SRPK2: variants seen among roughly 807,000 people sequenced by gnomAD.
The protein encoded by SRPK2 is SRSF protein kinase 2, also known as SFRS protein kinase 2.
In SRPK2, 21 loss-of-function variants were observed where a neutral mutation model predicts 90.8. The observed-to-expected ratio is 0.23, with a 90% confidence interval of 0.16 to 0.33. The LOEUF (loss-of-function observed/expected upper bound fraction) is 0.33. Ranked by LOEUF, SRPK2 falls within the 10% of genes least tolerant of loss-of-function variation. The pLI, the probability that SRPK2 is intolerant of heterozygous loss-of-function variation, is 1.00. For synonymous variants in SRPK2, 288 were observed against 311.1 expected, an observed-to-expected ratio of 0.93 and a Z score of 0.78; for missense variants, 620 against 869.0, an observed-to-expected ratio of 0.71 and a Z score of 3.60.
chr7:105,245,379 G>C (rs895997397), intron 2 of SRPK2, among the ~76,000 whole-genome samples: 4 of 152,138 alleles, frequency 2.6e-5, no homozygotes, highest in African/African-American at 9.7e-5. Flanking sequence ...GATAAGAAGG[G>C]TAAAAGAGCC....
At chr7:105,253,456 T>G (rs1033526716) in intron 2 of SRPK2, among the ~76,000 whole-genome samples, 1 of 152,208 alleles carries the variant, frequency 6.6e-6, no homozygotes, top group Admixed American at 6.5e-5. Context: ...CAGCATAAAA[T>G]TCAAAGACCT....
At chr7:105,236,012 A>T (rs2299316) in intron 2 of SRPK2, among the ~76,000 whole-genome samples, 28,391 of 152,012 alleles carry the variant, frequency 0.19, 3,400 homozygotes, top group East Asian at 0.63. Flanking sequence ...AGGCCTGAAT[A>T]AGATCTGTGG....
rs541871416 is a variant in SRPK2, at chr7:105,276,089, T to C, written c.72-72304A>G. 3.6e-4 allele frequency among the ~76,000 whole-genome samples: 54 copies of C among 152,084 alleles called. No homozygotes were observed. The East Asian group carries it at 9.1e-3, about 26-fold the overall frequency. ...CATGAGGAGGATATATATATATTTT[T>C]TTTTTTTAGAGGGACAGAGTCTTGC... On this transcript the variant is annotated intron_variant, in intron 2 of 15. Coordinates refer to ENST00000393651, the MANE Select transcript of SRPK2 (RefSeq NM_182692.3).
In SRPK2 at chr7:105,362,115, A is replaced by C. The variant is rs189860693; in HGVS notation, c.71+26533T>G. Among the ~76,000 whole-genome samples, 1,430 of 152,318 alleles carry C rather than the reference A, an allele frequency of 9.4e-3. 11 individuals are homozygous for C. Among genetic ancestry groups the C allele is most frequent in the South Asian group, 0.031 (148 of 4,834 alleles). ...ATATCCAGAATCTACAAAGAACTTA[A>C]ACAAATTTACCAGAAAAAAAATCAA... On this transcript the variant is annotated intron_variant, in intron 2 of 15. Transcript: ENST00000393651.
intron 2 of SRPK2, among the ~76,000 whole-genome samples, chr7:105,387,267 T>C (rs1008256222): frequency 5.9e-5 from 9 of 152,238 alleles, no homozygotes; most frequent in African/African-American, 1.9e-4. Context: ...ACAGTACTTA[T>C]TCAGAATCCT....
chr7:105,311,028 C>A (rs116459373), intron 2 of SRPK2, among the ~76,000 whole-genome samples: 13 of 152,104 alleles, frequency 8.5e-5, no homozygotes, highest in African/African-American at 3.1e-4. Flanking sequence ...CGTCCTTAAC[C>A]GCTTAGTTGA....
intron 2 of SRPK2, among the ~76,000 whole-genome samples, chr7:105,364,418 T>TTTTTTTTTTTTTTA (rs1818793674): frequency 6.6e-6 from 1 of 151,514 alleles, no homozygotes; most frequent in Admixed American, 6.6e-5. Flanking sequence ...TTTTTTTTTT[T>TTTTTTTTTTTTTTA]GAGAAGGAGT....
chr7:105,124,355 T>C (rs1800818065), intron 15 of SRPK2, among the ~76,000 whole-genome samples: 1 of 151,970 alleles, frequency 6.6e-6, no homozygotes, highest in African/African-American at 2.4e-5. Context: ...GACAAATAAA[T>C]GCACAGCCAG....
At chr7:105,268,574 G>A (rs1401682520) in intron 2 of SRPK2, among the ~76,000 whole-genome samples, 1 of 152,160 alleles carries the variant, frequency 6.6e-6, no homozygotes, top group African/African-American at 2.4e-5. Flanking sequence ...GGTCTGCTGT[G>A]TTATGGTGTG....
chr7:105,202,330 C>T (rs1795668668), intron 3 of SRPK2, among the ~76,000 whole-genome samples: 1 of 152,012 alleles, frequency 6.6e-6, no homozygotes, highest in Admixed American at 6.5e-5. Flanking sequence ...TTCATTAATG[C>T]TTTATGTTCT....
chr7:105,275,133 G>A (rs1175207360), intron 2 of SRPK2, among the ~76,000 whole-genome samples: 6 of 152,120 alleles, frequency 3.9e-5, no homozygotes, highest in Admixed American at 2.6e-4. Context: ...TGATCCACCC[G>A]CCTCAGCCTC....
In SRPK2 at chr7:105,159,466, A is replaced by ACAAAAAAAC. The variant is rs1554428673; in HGVS notation, c.621+1040_621+1041insGTTTTTTTG. ...CCGTCTCCAAAAAAAAAAAAAAAAA[A>ACAAAAAAAC]AAAAAAACCGTACAAAAGGAAGAAG... On this transcript the variant is annotated intron_variant, in intron 7 of 15. Transcript: ENST00000393651. 2.1e-4 allele frequency among the ~76,000 whole-genome samples: 24 copies of ACAAAAAAAC among 114,316 alleles called. 1 individual carries two copies. Among genetic ancestry groups the ACAAAAAAAC allele is most frequent in the Non-Finnish European group, 3.5e-4 (19 of 54,508 alleles). The allele number at this position is 114,316 out of a possible 152,430, so 75.0% of individuals were successfully genotyped here. A position where few individuals can be genotyped will look rare whatever the true frequency, so the allele number is the denominator to read the frequency against.
At chr7:105,388,126 C>G (rs1452713878) in intron 2 of SRPK2, among the ~76,000 whole-genome samples, 1 of 152,158 alleles carries the variant, frequency 6.6e-6, no homozygotes, top group African/African-American at 2.4e-5. Context: ...CTTAGGTTCT[C>G]AGCAGAAAGG....
chr7:105,324,298 C>T (rs1003574981), intron 2 of SRPK2, among the ~76,000 whole-genome samples: 6 of 151,446 alleles, frequency 4.0e-5, no homozygotes, highest in African/African-American at 1.2e-4. Context: ...TGAGCCACTG[C>T]GCCGGGCCAA....
At chr7:105,249,573 T>A (rs577595108) in intron 2 of SRPK2, among the ~76,000 whole-genome samples, 4 of 152,308 alleles carry the variant, frequency 2.6e-5, no homozygotes, top group African/African-American at 9.6e-5. Flanking sequence ...CTGGAAGTTA[T>A]CAGTTTATAA....
chr7:105,242,180 C>T (rs1335340670), intron 2 of SRPK2, among the ~76,000 whole-genome samples: 1 of 152,124 alleles, frequency 6.6e-6, no homozygotes, highest in Non-Finnish European at 1.5e-5. Flanking sequence ...GTTAATCTAA[C>T]ATACATCCCC....
intron 3 of SRPK2, among the ~76,000 whole-genome samples, chr7:105,195,801 GA>G (rs1159671180): frequency 2.0e-5 from 3 of 151,820 alleles, no homozygotes; most frequent in African/African-American, 4.8e-5. Context: ...ACACTTAGAT[GA>G]AAAAAAAGAT....
At chr7:105,256,743 C>G (rs756711912) in intron 2 of SRPK2, among the ~76,000 whole-genome samples, 4 of 152,140 alleles carry the variant, frequency 2.6e-5, no homozygotes, top group African/African-American at 9.7e-5. Context: ...GCAAAACTTG[C>G]CCGGTATTTC....
chr7:105,196,533 C>T (rs1298410829), intron 3 of SRPK2, among the ~76,000 whole-genome samples: 1 of 152,190 alleles, frequency 6.6e-6, no homozygotes. Flanking sequence ...GCATCCCTGG[C>T]TCTGCCCAAG....
Sources: gnomAD v4.1 joint callset for allele counts (sites outside exome capture counted in the v4.1 genomes callset) on GRCh38, gnomAD v4.1.1 for gene constraint, MANE v1.5 for transcripts, NCBI Gene and HGNC (gene_info 2026-07-23, HGNC 2026-07-21) for gene names.